Variants in PRDM11 observed in about 807,000 individuals in gnomAD.
The protein encoded by PRDM11 is PR/SET domain 11.
Under a neutral mutation model 97.8 loss-of-function variants are expected in PRDM11, and 20 were observed. The ratio of observed to expected loss-of-function variants is 0.20; its 90% CI spans 0.14 to 0.30. The LOEUF (loss-of-function observed/expected upper bound fraction) is 0.30. Ranked by LOEUF, PRDM11 falls within the 10% of genes least tolerant of loss-of-function variation. PRDM11 has a pLI of 1.00. For missense variants in PRDM11, 1,139 were observed against 1,555.2 expected, an observed-to-expected ratio of 0.73 and a Z score of 4.50; for synonymous variants, 599 against 637.7, an observed-to-expected ratio of 0.94 and a Z score of 0.91.
chr11:45,146,950 C>CGCGGGGGCCGCCGGT (rs1012542665), intron 1 of PRDM11, 73 bp downstream of exon 1: 3 of 145,906 alleles, frequency 2.1e-5, no homozygotes, highest in African/African-American at 4.9e-5. Flanking sequence ...TGCCAGCGAG[C>CGCGGGGGCCGCCGGT]GCGGGGGCCG....
chr11:45,147,092 C>T (rs1048380486), intron 1 of PRDM11, among the ~76,000 whole-genome samples: 2 of 148,632 alleles, frequency 1.3e-5, no homozygotes, highest in African/African-American at 2.5e-5. Flanking sequence ...GGTGGGTGAA[C>T]CCTCGGCAGG....
chr11:45,198,798 C>T (rs1436277332), intron 4 of PRDM11, among the ~76,000 whole-genome samples: 3 of 152,162 alleles, frequency 2.0e-5, no homozygotes, highest in Non-Finnish European at 2.9e-5. Flanking sequence ...TTAATGGAGT[C>T]ATTAGGAAAA....
intron 1 of PRDM11, among the ~76,000 whole-genome samples, chr11:45,106,105 G>A (rs1263538777): frequency 2.0e-5 from 3 of 152,304 alleles, no homozygotes; most frequent in Non-Finnish European, 4.4e-5. Context: ...CCACCTGAGA[G>A]AGCACAGATG....
Position 45,226,663 on chromosome 11 carries a change from T to C in PRDM11, c.2038T>C (p.Tyr680His). The part of the protein sequence containing the change: ...LADTVAVYVQ[Y>H]TSSDGPPATE... ...CGACACGGTGGCTGTCTATGTTCAG[T>C]ACACCAGCAGTGATGGGCCCCCGGC... Residue 680 changes from tyrosine to histidine, a missense_variant, in exon 8 of 8, where the codon TAC becomes CAC. Physicochemically the swap from Tyr to His is moderately conservative, Grantham distance 83. Transcript: ENST00000683152. 1 of 1,533,924 alleles carries C rather than the reference T, an allele frequency of 6.5e-7. No individual in the cohort carries two copies. Among genetic ancestry groups the C allele is most frequent in the Non-Finnish European group, 8.7e-7 (1 of 1,146,716 alleles).
At chr11:45,111,107 TGTTTTTA>T (rs1203596079) in intron 1 of PRDM11, among the ~76,000 whole-genome samples, 6 of 152,186 alleles carry the variant, frequency 3.9e-5, no homozygotes, top group Non-Finnish European at 8.8e-5. Flanking sequence ...GTGTCTCTTC[TGTTTTTA>T]AATCTCCATA....
chr11:45,201,620 A>C (rs1853328066), intron 4 of PRDM11, among the ~76,000 whole-genome samples: 1 of 152,068 alleles, frequency 6.6e-6, no homozygotes, highest in African/African-American at 2.4e-5. Context: ...CAGCCTCCTG[A>C]GTATCTGGGA....
intron 1 of PRDM11, among the ~76,000 whole-genome samples, chr11:45,128,811 C>A (rs1358531456): frequency 6.6e-6 from 1 of 151,928 alleles, no homozygotes; most frequent in African/African-American, 2.4e-5. Flanking sequence ...CTTTACAAGA[C>A]CAATATAAAC....
intron 4 of PRDM11, among the ~76,000 whole-genome samples, chr11:45,199,854 C>A (rs926167373): frequency 2.0e-5 from 3 of 152,174 alleles, no homozygotes; most frequent in Non-Finnish European, 4.4e-5. Context: ...AGGGCACCAT[C>A]TCTCTCTTCT....
At chr11:45,184,833 G>A (rs1852645205) in intron 4 of PRDM11, among the ~76,000 whole-genome samples, 1 of 152,176 alleles carries the variant, frequency 6.6e-6, no homozygotes, top group Admixed American at 6.5e-5. Flanking sequence ...TGCATGGGTG[G>A]TCAGTGGGGG....
chr11:45,195,524 G>T (rs1317995905), intron 4 of PRDM11, among the ~76,000 whole-genome samples: 1 of 151,288 alleles, frequency 6.6e-6, no homozygotes, highest in Non-Finnish European at 1.5e-5. Context: ...TGTTTTCAAG[G>T]TTCATCTGTG....
chr11:45,192,818 A>G (rs1309859454), intron 4 of PRDM11, among the ~76,000 whole-genome samples: 1 of 152,236 alleles, frequency 6.6e-6, no homozygotes, highest in African/African-American at 2.4e-5. Context: ...AACAACTGTA[A>G]AGCCAAAACA....
chr11:45,208,061 G>A (rs1263650672), intron 5 of PRDM11, among the ~76,000 whole-genome samples: 1 of 152,194 alleles, frequency 6.6e-6, no homozygotes, highest in Non-Finnish European at 1.5e-5. Flanking sequence ...AGGGCCTCTG[G>A]CTGCTCAGTT....
At chr11:45,201,815 C>CA (rs1031905644) in intron 4 of PRDM11, among the ~76,000 whole-genome samples, 6 of 151,762 alleles carry the variant, frequency 4.0e-5, no homozygotes, top group African/African-American at 1.2e-4. Context: ...AAAAAAAACA[C>CA]AAAAAAAATT....
In PRDM11 at chr11:45,224,709, C is replaced by G. The variant is rs767911356; in HGVS notation, c.1235C>G (p.Pro412Arg). Residue 412 changes from proline to arginine, a missense_variant, in exon 7 of 8, where the codon CCT (proline) becomes CGT (arginine). Pro to Arg is a moderately radical substitution (Grantham distance 103, BLOSUM62 -2). Coordinates refer to ENST00000683152, the MANE Select transcript of PRDM11 (RefSeq NM_001384648.1). ...PHELPTTSFC[P>R]NCIRLKKKVR... is the part of the protein sequence containing the mutation. ...GAACTTCCCACCACCTCTTTTTGCC[C>G]TAACTGTATTCGCCTAAAGAAGAAG... is the stretch of plus-strand genomic sequence containing the variant. The G allele has an allele frequency of 6.8e-6, 11 of 1,614,168 alleles. No homozygotes were observed. In the South Asian group the frequency reaches 1.2e-4, roughly 18 times the overall value.
chr11:45,147,011 T>G (rs1420340978), intron 1 of PRDM11, 134 bp downstream of exon 1: 2 of 139,670 alleles, frequency 1.4e-5, no homozygotes, highest in South Asian at 2.2e-4. Context: ...GCCGGGGGTC[T>G]CGGCGCGGGC....
chr11:45,222,494 C>T (rs1854147947), intron 6 of PRDM11, among the ~76,000 whole-genome samples: 1 of 152,180 alleles, frequency 6.6e-6, no homozygotes, highest in African/African-American at 2.4e-5. Context: ...ATACAGGTGG[C>T]ATTTTCAAGT....
chr11:45,159,255 G>C (rs1243594113), intron 1 of PRDM11, among the ~76,000 whole-genome samples: 1 of 152,208 alleles, frequency 6.6e-6, no homozygotes, highest in Admixed American at 6.5e-5. Flanking sequence ...CCCTCCGCCT[G>C]CTGCCTCCTG....
chr11:45,151,774 C>G (rs1360802559), intron 1 of PRDM11, among the ~76,000 whole-genome samples: 3 of 152,096 alleles, frequency 2.0e-5, no homozygotes, highest in Admixed American at 6.6e-5. Flanking sequence ...TTGGATAGCA[C>G]AGGAGGGGAG....
chr11:45,138,200 G>A (rs74652411), intron 1 of PRDM11, among the ~76,000 whole-genome samples: 3,067 of 152,274 alleles, frequency 0.02, 99 homozygotes, highest in African/African-American at 0.07. Flanking sequence ...AAAACTTGAA[G>A]AAGCAGGTAA....
Sources: allele counts gnomAD v4.1 joint callset (sites outside exome capture counted in the v4.1 genomes callset), GRCh38; gene constraint gnomAD v4.1.1; transcripts MANE v1.5; gene names NCBI Gene and HGNC (gene_info 2026-07-23, HGNC 2026-07-21).